The following ZFHX4 variants were observed in gnomAD, a reference collection of about 807,000 sequenced individuals.
The protein encoded by ZFHX4 is zinc finger homeobox protein 4.
In ZFHX4, 56 loss-of-function variants were observed where a neutral mutation model predicts 267.6. The ratio of observed to expected loss-of-function variants is 0.21; its 90% CI spans 0.17 to 0.26. The LOEUF (loss-of-function observed/expected upper bound fraction) is 0.26, where lower values mean the gene tolerates loss of function less well. ZFHX4 is among the 10% of genes least tolerant of loss of function. The pLI is 1.00. For synonymous variants in ZFHX4, 1,778 were observed against 1,665.6 expected (o/e 1.07, Z -1.64); for missense variants, 4,332 against 4,420.0 (o/e 0.98, Z 0.56).
Position 76,824,693 on chromosome 8 carries a change from C to G in ZFHX4, c.3326-8645C>G, listed in dbSNP as rs373055512. On this transcript the variant is annotated intron_variant, in intron 4 of 10. Transcript: ENST00000651372. ...GCTCAACCAATCCTCCTGCCTCAGCCTCTGGATTAGCTGGGACTACAGGCA... is the reference window on the plus strand; with the variant it reads ...GCTCAACCAATCCTCCTGCCTCAGCGTCTGGATTAGCTGGGACTACAGGCA... Among the ~76,000 whole-genome samples, 7 of 152,116 alleles carry G rather than the reference C, an allele frequency of 4.6e-5. No individual in the cohort carries two copies. The East Asian group carries it at 1.4e-3, about 29-fold the overall frequency.
At chr8:76,798,879 GTCATAC>G (rs908968051) in intron 4 of ZFHX4, among the ~76,000 whole-genome samples, 2 of 152,098 alleles carry the variant, frequency 1.3e-5, no homozygotes, top group African/African-American at 4.8e-5. Flanking sequence ...CTAAGACGGT[GTCATAC>G]TTACAGCAGA....
chr8:76,807,857 A>G (rs114371693), intron 4 of ZFHX4, among the ~76,000 whole-genome samples: 1,872 of 152,264 alleles, frequency 0.012, 38 homozygotes, highest in African/African-American at 0.042. Flanking sequence ...AAATACATGT[A>G]TAAATCTTAT....
At position 76,778,569 on chromosome 8, in the gene ZFHX4, G is replaced by A. The variant is rs566947443; in HGVS notation, c.3325+130G>A. 62 of 744,498 alleles carry A rather than the reference G, an allele frequency of 8.3e-5. 2 individuals carry two copies. Among genetic ancestry groups the A allele is most frequent in the South Asian group, 7.4e-4 (45 of 60,992 alleles). 46.1% of individuals were successfully genotyped at this position (744,498 alleles called of 1,614,324 possible). Reference sequence around the variant, plus strand: ...GAGCCTGTCCCCCAGTGTAAAACACGGCAGCTCTTAATCTCTCAGAAATGA... The same window carrying A: ...GAGCCTGTCCCCCAGTGTAAAACACAGCAGCTCTTAATCTCTCAGAAATGA... On this transcript the variant is annotated intron_variant, in intron 4 of 10. Coordinates refer to ENST00000651372, the MANE Select transcript of ZFHX4 (RefSeq NM_024721.5).
intron 3 of ZFHX4, among the ~76,000 whole-genome samples, chr8:76,739,938 T>C (rs10504637): frequency 0.3 from 45,953 of 151,962 alleles, 10,048 homozygotes; most frequent in African/African-American, 0.61. Context: ...GATTGCTAGT[T>C]AGTATTGTGG....
chr8:76,717,519 G>A (rs1349104773), intron 3 of ZFHX4, among the ~76,000 whole-genome samples: 1 of 152,182 alleles, frequency 6.6e-6, no homozygotes, highest in African/African-American at 2.4e-5. Flanking sequence ...TTGTAGCTTG[G>A]CATAACAGAA....
Position 76,855,502 on chromosome 8 carries a change from G to A in ZFHX4, c.8581G>A (p.Asp2861Asn), listed in dbSNP as rs367746294. Residue 2861 changes from aspartate to asparagine, a missense_variant, in exon 10 of 11, where the codon GAT (aspartate) becomes AAT (asparagine). Around this residue, in one of 7 missense-constraint regions of ZFHX4, gnomAD observed 1,648 missense variants for 1,625.0 expected, o/e 1.01. Coordinates refer to ENST00000651372, the MANE Select transcript of ZFHX4 (RefSeq NM_024721.5). ...AACCACACCTACCACGGAGGTCTGC[G>A]ATGACAAATTTCTCTTTTCTCTCAC... ...PATTPTTEVC[D>N]DKFLFSLTSP... 7 of 1,613,608 alleles carry A rather than the reference G, an allele frequency of 4.3e-6. No individual in the cohort carries two copies. The highest frequency in any genetic ancestry group is 1.3e-5 in the African/African-American group (1 of 74,876).
chr8:76,734,668 A>G (rs920940192), intron 3 of ZFHX4, among the ~76,000 whole-genome samples: 3 of 152,138 alleles, frequency 2.0e-5, no homozygotes, highest in African/African-American at 7.2e-5. Flanking sequence ...AGACCTCTTC[A>G]TTGTAGTTTT....
At chr8:76,827,031 G>A (rs1193661260) in intron 4 of ZFHX4, among the ~76,000 whole-genome samples, 1 of 152,202 alleles carries the variant, frequency 6.6e-6, no homozygotes, top group Non-Finnish European at 1.5e-5. Flanking sequence ...ACAGTAGGCT[G>A]AGGAATGAAA....
intron 3 of ZFHX4, among the ~76,000 whole-genome samples, chr8:76,718,228 A>C (rs1808629516): frequency 6.6e-6 from 1 of 152,206 alleles, no homozygotes; most frequent in South Asian, 2.1e-4. Flanking sequence ...TGACATGCTA[A>C]AATGGGAATT....
intron 3 of ZFHX4, among the ~76,000 whole-genome samples, chr8:76,759,444 T>C (rs1350932102): frequency 6.6e-6 from 1 of 152,232 alleles, no homozygotes; most frequent in Non-Finnish European, 1.5e-5. Context: ...TAGTGATCTA[T>C]GTTGTCATGC....
chr8:76,706,774 T>G, intron 2 of ZFHX4, 96 bp downstream of exon 2: 1 of 1,312,332 alleles, frequency 7.6e-7, no homozygotes, highest in Non-Finnish European at 1.0e-6. Context: ...GCCAACAAAT[T>G]GAGGACAGCT....
At chr8:76,793,862 CA>C (rs2131811212) in intron 4 of ZFHX4, among the ~76,000 whole-genome samples, 1 of 151,974 alleles carries the variant, frequency 6.6e-6, no homozygotes, top group South Asian at 2.1e-4. Flanking sequence ...ATTAAGTAGA[CA>C]AATATAGGTG....
chr8:76,707,169 A>G (rs1053453397), intron 2 of ZFHX4, among the ~76,000 whole-genome samples: 11 of 152,232 alleles, frequency 7.2e-5, no homozygotes, highest in African/African-American at 2.4e-4. Flanking sequence ...ACAGGCACGC[A>G]TACAATATTA....
intron 4 of ZFHX4, among the ~76,000 whole-genome samples, chr8:76,789,827 A>T (rs1810786593): frequency 6.6e-6 from 1 of 152,192 alleles, no homozygotes; most frequent in African/African-American, 2.4e-5. Flanking sequence ...ATATGTAAAT[A>T]AATGTGCATA....
chr8:76,819,808 C>A (rs1056659810), intron 4 of ZFHX4, among the ~76,000 whole-genome samples: 1 of 152,200 alleles, frequency 6.6e-6, no homozygotes, highest in Non-Finnish European at 1.5e-5. Flanking sequence ...ATAAGAGATT[C>A]TTCCCAACAA....
At chr8:76,839,667 G>A (rs1023006417) in intron 5 of ZFHX4, among the ~76,000 whole-genome samples, 2 of 152,098 alleles carry the variant, frequency 1.3e-5, no homozygotes, top group African/African-American at 2.4e-5. Flanking sequence ...TTAGTGAAGA[G>A]GCTTATTGAT....
chr8:76,850,149 C>CAAAT, intron 8 of ZFHX4, 96 bp from the exon 9 acceptor site: 1 of 994,666 alleles, frequency 1.0e-6, no homozygotes. Flanking sequence ...CTAAAATAAA[C>CAAAT]AAATGTAAGT....
Position 76,853,315 on chromosome 8 carries a change from C to T in ZFHX4, c.6394C>T (p.Pro2132Ser). 2 of 1,613,200 alleles carry T rather than the reference C, an allele frequency of 1.2e-6. No individual in the cohort carries two copies. Among genetic ancestry groups the T allele is most frequent in the Middle Eastern group, 1.6e-4 (1 of 6,062 alleles). The stretch of plus-strand genomic sequence containing the variant: ...CTTAAGACATTCTCAGTTCAAACGC[C>T]CACGGACAAGAATTACAGATGATCA... ...NFLRHSQFKRPRTRITDDQLK... is the reference protein window; with the variant it reads ...NFLRHSQFKRSRTRITDDQLK... Residue 2132 changes from proline to serine, a missense_variant, in exon 10 of 11, where the codon CCA (proline) becomes TCA (serine). By Grantham distance (74) the Pro-to-Ser change is moderately conservative. Around this residue, in one of 7 missense-constraint regions of ZFHX4, gnomAD observed 1,371 missense variants for 1,423.1 expected, o/e 0.96. Transcript: ENST00000651372.
At chr8:76,702,975 C>CACACACACACACACACACACAA in intron 1 of ZFHX4, among the ~76,000 whole-genome samples, 1 of 152,126 alleles carries the variant, frequency 6.6e-6, no homozygotes, top group East Asian at 1.9e-4. Flanking sequence ...CACACACACA[C>CACACACACACACACACACACAA]ACACACACAC....
Sources: allele counts gnomAD v4.1 joint callset (sites outside exome capture counted in the v4.1 genomes callset), GRCh38; gene constraint gnomAD v4.1.1; regional missense constraint gnomAD v4.1.1; transcripts MANE v1.5; gene names NCBI Gene and HGNC (gene_info 2026-07-23, HGNC 2026-07-21).